DLG2: variants seen among roughly 807,000 people sequenced by gnomAD.
The protein encoded by DLG2 is discs large MAGUK scaffold protein 2.
DLG2 carries 45 observed loss-of-function variants against 132.5 expected under a neutral mutation model. The ratio of observed to expected loss-of-function variants is 0.34; its 90% CI spans 0.27 to 0.44. The LOEUF (loss-of-function observed/expected upper bound fraction) is 0.44. Ranked by LOEUF, DLG2 falls within the 20% of genes least tolerant of loss-of-function variation. The probability of loss-of-function intolerance (pLI) is 1.00; values close to 1 mark genes in which losing one functional copy is unlikely to be tolerated. For missense variants in DLG2, 1,045 were observed against 1,196.9 expected (o/e 0.87, Z 1.87); for synonymous variants, 424 against 419.6 (o/e 1.01, Z -0.13).
intron 18 of DLG2, among the ~76,000 whole-genome samples, chr11:83,717,630 T>C (rs1242972928): frequency 6.6e-6 from 1 of 152,228 alleles, no homozygotes; most frequent in South Asian, 2.1e-4. Context: ...AGTGTCTGTC[T>C]GTAAAAACAC....
At chr11:83,608,053 C>T (rs552067684) in intron 19 of DLG2, among the ~76,000 whole-genome samples, 1 of 152,276 alleles carries the variant, frequency 6.6e-6, no homozygotes, top group Admixed American at 6.5e-5. Flanking sequence ...TGGGTGGTGA[C>T]TACATATACA....
At chr11:84,709,011 A>G (rs866208288) in intron 6 of DLG2, among the ~76,000 whole-genome samples, 1 of 151,966 alleles carries the variant, frequency 6.6e-6, no homozygotes, top group Non-Finnish European at 1.5e-5. Context: ...ACATCTGGTA[A>G]CAAAAGCTAT....
intron 5 of DLG2, among the ~76,000 whole-genome samples, chr11:85,125,619 A>G (rs2074998067): frequency 6.6e-6 from 1 of 152,206 alleles, no homozygotes; most frequent in Admixed American, 6.5e-5. Context: ...TGATTCAATC[A>G]GGAGAGAATA....
chr11:84,118,281 A>G (rs548183574), intron 9 of DLG2, among the ~76,000 whole-genome samples: 196 of 152,352 alleles, frequency 1.3e-3, no homozygotes, highest in African/African-American at 4.5e-3. Flanking sequence ...AAATTTGTTC[A>G]GCCTCCTGCT....
rs554330491 is a variant in DLG2 at position 84,226,921 on chromosome 11, A to C, written c.573+24317T>G. 5.3e-5 allele frequency among the ~76,000 whole-genome samples: 8 copies of C among 152,056 alleles called. No homozygotes were observed. The East Asian group carries it at 1.6e-3, about 30-fold the overall frequency. ...GCCAACATGGTGAAACCCCGTCTCT[A>C]CTGAAAATACAAAAATTAGCTGGGT... On this transcript the variant is annotated intron_variant, in intron 8 of 27. Coordinates refer to ENST00000376104, the MANE Select transcript of DLG2 (RefSeq NM_001142699.3).
chr11:84,787,747 A>C (rs2073154173), intron 6 of DLG2, among the ~76,000 whole-genome samples: 1 of 152,140 alleles, frequency 6.6e-6, no homozygotes, highest in South Asian at 2.1e-4. Flanking sequence ...ACTGGAAGAT[A>C]AATTGCAGAA....
At position 83,485,914 on chromosome 11, in the gene DLG2, T is replaced by C. The variant is rs148891530; in HGVS notation, c.2194-1686A>G. 2.0e-3 allele frequency among the ~76,000 whole-genome samples: 299 copies of C among 152,240 alleles called. 3 individuals carry two copies. Among genetic ancestry groups the C allele is most frequent in the African/African-American group, 7.0e-3 (289 of 41,546 alleles). On this transcript the variant is annotated intron_variant, in intron 21 of 27. Transcript: ENST00000376104. ...CTTTCAGCAAAGTAGTAGAGCTCAA[T>C]TGTATGCCCATTAATAAGGTTTTAT...
intron 6 of DLG2, among the ~76,000 whole-genome samples, chr11:84,931,963 T>C (rs922963938): frequency 1.2e-4 from 18 of 152,224 alleles, no homozygotes; most frequent in African/African-American, 4.3e-4. Context: ...TTAATGGGGC[T>C]GTTTGCTTTT....
chr11:83,784,164 C>T (rs1290617409), intron 18 of DLG2, among the ~76,000 whole-genome samples: 2 of 152,110 alleles, frequency 1.3e-5, no homozygotes, highest in African/African-American at 2.4e-5. Context: ...AAGGGTTGAA[C>T]GACTTACAAT....
At chr11:84,652,629 G>T (rs1440924414) in intron 6 of DLG2, among the ~76,000 whole-genome samples, 1 of 152,070 alleles carries the variant, frequency 6.6e-6, no homozygotes, top group African/African-American at 2.4e-5. Context: ...TTGGACATTA[G>T]CATATAAAAA....
intron 6 of DLG2, among the ~76,000 whole-genome samples, chr11:84,885,499 C>A (rs745833258): frequency 6.6e-6 from 1 of 151,970 alleles, no homozygotes; most frequent in Non-Finnish European, 1.5e-5. Flanking sequence ...CATGCCTGGC[C>A]TGGAATAATG....
intron 14 of DLG2, among the ~76,000 whole-genome samples, chr11:83,958,616 T>C (rs567815528): frequency 6.6e-6 from 1 of 152,290 alleles, no homozygotes; most frequent in South Asian, 2.1e-4. Context: ...ACCAATTTTT[T>C]TGTTTCATTT....
intron 11 of DLG2, 142 bp from the exon 12 acceptor site, chr11:83,980,784 AT>A (rs2092706455): frequency 1.2e-6 from 1 of 823,684 alleles, no homozygotes; most frequent in African/African-American, 1.8e-5. Context: ...TAAAAACTGT[AT>A]TTCAATCTCG....
chr11:85,251,717 T>A (rs1364112456), intron 4 of DLG2, among the ~76,000 whole-genome samples: 1 of 152,196 alleles, frequency 6.6e-6, no homozygotes, highest in Non-Finnish European at 1.5e-5. Flanking sequence ...AAGAGGCCAT[T>A]AATAAGTATA....
chr11:85,341,782 C>A (rs1273587434), intron 3 of DLG2, among the ~76,000 whole-genome samples: 1 of 152,116 alleles, frequency 6.6e-6, no homozygotes, highest in Non-Finnish European at 1.5e-5. Flanking sequence ...CTTACACAAG[C>A]CTAGGTGATA....
intron 12 of DLG2, among the ~76,000 whole-genome samples, chr11:83,975,689 A>C (rs1340672249): frequency 6.6e-6 from 1 of 151,988 alleles, no homozygotes; most frequent in Admixed American, 6.6e-5. Context: ...TATGTGATAA[A>C]ATTTACTGGA....
rs565862205 is a variant in DLG2, at chr11:84,710,332, C to T, written c.358-175601G>A. On this transcript the variant is annotated intron_variant, in intron 6 of 27. Transcript: ENST00000376104. ...CTGAGGTGCCCACTATAATGTTAAA[C>T]ATAATATATATGCTCAAGAGAGAAC... is the stretch of plus-strand genomic sequence containing the variant. Among the ~76,000 whole-genome samples, 13 of 151,976 alleles carry T rather than the reference C, an allele frequency of 8.6e-5. No homozygotes were observed. The East Asian group carries it at 2.3e-3, about 27-fold the overall frequency.
chr11:83,653,284 A>T (rs575038974), intron 18 of DLG2, among the ~76,000 whole-genome samples: 5 of 152,348 alleles, frequency 3.3e-5, no homozygotes, highest in African/African-American at 9.6e-5. Flanking sequence ...TTTGCAGTGA[A>T]TCTCCCTTGC....
chr11:84,986,943 A>T (rs1337702377), intron 6 of DLG2, among the ~76,000 whole-genome samples: 2 of 152,220 alleles, frequency 1.3e-5, no homozygotes, highest in African/African-American at 4.8e-5. Context: ...AATACAGAGC[A>T]TCCAAATTAG....
Sources: gnomAD v4.1 joint callset for allele counts (sites outside exome capture counted in the v4.1 genomes callset) on GRCh38, gnomAD v4.1.1 for gene constraint, MANE v1.5 for transcripts, NCBI Gene and HGNC (gene_info 2026-07-23, HGNC 2026-07-21) for gene names.